The following PRELID2 variants were observed in gnomAD, a reference collection of about 807,000 sequenced individuals.
PRELID2 encodes the protein PRELI domain-containing protein 2.
Under a neutral mutation model 28.4 loss-of-function variants are expected in PRELID2, and 25 were observed. The ratio of observed to expected loss-of-function variants is 0.88; its 90% CI spans 0.64 to 1.23. PRELID2 has a LOEUF of 1.23. Among genes scored for constraint, PRELID2 ranks in the 50% most tolerant of loss-of-function variants. PRELID2 has a pLI of 0.00. For missense variants in PRELID2, 201 were observed against 214.4 expected, an observed-to-expected ratio of 0.94 and a Z score of 0.39; for synonymous variants, 76 against 71.6, an observed-to-expected ratio of 1.06 and a Z score of -0.31.
chr5:145,389,888 T>C, the PRELID2 span, among the ~76,000 whole-genome samples: 1 of 152,062 alleles, frequency 6.6e-6, no homozygotes, highest in Non-Finnish European at 1.5e-5. Context: ...AAGTGAAAAA[T>C]ACTTTCTTAA....
At chr5:145,567,466 C>T (rs1752976910) in intron 1 of PRELID2, among the ~76,000 whole-genome samples, 1 of 152,146 alleles carries the variant, frequency 6.6e-6, no homozygotes, top group Admixed American at 6.5e-5. Context: ...CAAGCTCTGC[C>T]TCCTAGGTTC....
At chr5:145,695,580 T>C (rs1047756660) in intron 1 of PRELID2, among the ~76,000 whole-genome samples, 1 of 151,588 alleles carries the variant, frequency 6.6e-6, no homozygotes, top group Non-Finnish European at 1.5e-5. Context: ...AGGTCCTGGC[T>C]CAGAGTCTCT....
At chr5:145,797,785 C>T (rs1294229451) in intron 4 of PRELID2, among the ~76,000 whole-genome samples, 1 of 151,626 alleles carries the variant, frequency 6.6e-6, no homozygotes, top group Non-Finnish European at 1.5e-5. Context: ...TTTTTATATA[C>T]CCAAACCTCA....
At chr5:145,299,652 T>C in the PRELID2 span, among the ~76,000 whole-genome samples, 1 of 151,120 alleles carries the variant, frequency 6.6e-6, no homozygotes, top group African/African-American at 2.4e-5. Context: ...TGCGTGTGTG[T>C]GTGTGTGTGT....
Position 145,594,773 on chromosome 5 carries a change from G to A in PRELID2, n.71-121458C>T, listed in dbSNP as rs138013722. On this transcript the variant is annotated intron_variant and non_coding_transcript_variant, in intron 1 of 2. Coordinates refer to the PRELID2 transcript ENST00000510259. ...TCAGTAATTTGAGGTTTTGCTTATC[G>A]TATTTTCTATTTTTTAAGCAATGAA... Among the ~76,000 whole-genome samples, 104 of 152,220 alleles carry A rather than the reference G, an allele frequency of 6.8e-4. 1 individual carries two copies. Among genetic ancestry groups the A allele is most frequent in the Admixed American group, 5.5e-3 (84 of 15,288 alleles).
chr5:145,743,303 C>T (rs1037626496), intron 1 of PRELID2, among the ~76,000 whole-genome samples: 2 of 151,142 alleles, frequency 1.3e-5, no homozygotes, highest in South Asian at 2.1e-4. Context: ...CCCAGCTACT[C>T]GGGAGGCTGA....
the PRELID2 span, among the ~76,000 whole-genome samples, chr5:145,299,620 G>T: frequency 1.4e-5 from 2 of 147,744 alleles, no homozygotes; most frequent in African/African-American, 5.1e-5. Context: ...TCCCTGCTGA[G>T]ACCACTACAT....
chr5:145,363,116 GAAA>G, the PRELID2 span, among the ~76,000 whole-genome samples: 2 of 84,156 alleles, frequency 2.4e-5, no homozygotes, highest in African/African-American at 7.9e-5. Flanking sequence ...ATGGCTATAA[GAAA>G]AAAAAAAAAA....
chr5:145,335,975 T>G, the PRELID2 span, among the ~76,000 whole-genome samples: 1 of 152,250 alleles, frequency 6.6e-6, no homozygotes, highest in African/African-American at 2.4e-5. Flanking sequence ...CTAACTGGTG[T>G]GAGATGGTAT....
chr5:145,787,818 G>A (rs999792763), intron 5 of PRELID2, among the ~76,000 whole-genome samples: 1 of 152,102 alleles, frequency 6.6e-6, no homozygotes, highest in African/African-American at 2.4e-5. Context: ...TGGGATTCCA[G>A]GCATGAGCCA....
In PRELID2 at chr5:145,761,277, C is replaced by T. The variant is rs374602213; in HGVS notation, c.*11-752G>A. Among the ~76,000 whole-genome samples the T allele has an allele frequency of 1.6e-4, 25 of 152,340 alleles. No individual in the cohort carries two copies. In the South Asian group the frequency reaches 4.8e-3, roughly 29 times the overall value. ...TAGCACCTACCCTCTAGCCTCATCA[C>T]AGTGCCACTTTATGTGCCAAACTAA... On this transcript the variant is annotated intron_variant, in intron 6 of 6. Transcript: ENST00000683046.
At chr5:145,545,827 A>G (rs1752781776) in intron 1 of PRELID2, among the ~76,000 whole-genome samples, 1 of 152,166 alleles carries the variant, frequency 6.6e-6, no homozygotes, top group Non-Finnish European at 1.5e-5. Context: ...ATAAGCTTCA[A>G]TATCATGGTA....
At chr5:145,329,561 T>G in the PRELID2 span, among the ~76,000 whole-genome samples, 4 of 152,226 alleles carry the variant, frequency 2.6e-5, no homozygotes, top group Non-Finnish European at 4.4e-5. Flanking sequence ...GGAAGTTCAC[T>G]CATGATTTGG....
At chr5:145,648,198 T>C (rs1247730433) in intron 1 of PRELID2, among the ~76,000 whole-genome samples, 2 of 152,186 alleles carry the variant, frequency 1.3e-5, no homozygotes, top group African/African-American at 4.8e-5. Flanking sequence ...CTCACACATA[T>C]ACGCTAAGGA....
chr5:145,265,435 C>T, the PRELID2 span, among the ~76,000 whole-genome samples: 44 of 152,096 alleles, frequency 2.9e-4, no homozygotes, highest in Middle Eastern at 0.017. Context: ...ATCAAAATAC[C>T]ACCATCCTTC....
At chr5:145,787,051 G>A (rs1222041211) in intron 5 of PRELID2, among the ~76,000 whole-genome samples, 3 of 152,092 alleles carry the variant, frequency 2.0e-5, no homozygotes, top group Admixed American at 2.0e-4. Context: ...AATAATGATG[G>A]AACTAATAAT....
intron 1 of PRELID2, among the ~76,000 whole-genome samples, chr5:145,723,858 A>G (rs1223473086): frequency 1.3e-5 from 2 of 152,202 alleles, no homozygotes; most frequent in Non-Finnish European, 2.9e-5. Context: ...CCCTGAATAT[A>G]TATCTCCAAC....
At chr5:145,791,870 G>T (rs186110148) in intron 5 of PRELID2, among the ~76,000 whole-genome samples, 84 of 152,236 alleles carry the variant, frequency 5.5e-4, no homozygotes, top group Admixed American at 2.6e-3. Context: ...AGTAAAAATG[G>T]GTGAAACGTT....
At chr5:145,519,018 G>A (rs1011941830) in intron 1 of PRELID2, among the ~76,000 whole-genome samples, 5 of 152,144 alleles carry the variant, frequency 3.3e-5, no homozygotes, top group African/African-American at 1.2e-4. Context: ...TGTTGCCACT[G>A]TCTTTAACTT....
Sources: allele counts gnomAD v4.1 joint callset (sites outside exome capture counted in the v4.1 genomes callset), GRCh38; gene constraint gnomAD v4.1.1; transcripts MANE v1.5; gene names NCBI Gene and HGNC (gene_info 2026-07-23, HGNC 2026-07-21).